The following CTNNA2 variants were observed in gnomAD, a reference collection of about 807,000 sequenced individuals.
CTNNA2 encodes the protein catenin alpha-2.
CTNNA2 carries 42 observed loss-of-function variants against 101.0 expected under a neutral mutation model. That is an observed-to-expected ratio of 0.42 (90% CI 0.32 to 0.54). The LOEUF (loss-of-function observed/expected upper bound fraction) is 0.54, where lower values mean the gene tolerates loss of function less well. Among genes scored for constraint, CTNNA2 ranks in the 20% least tolerant of loss-of-function variants. CTNNA2 has a pLI of 0.14. For synonymous variants in CTNNA2, 450 were observed against 456.4 expected, an observed-to-expected ratio of 0.99 and a Z score of 0.18; for missense variants, 871 against 1,223.1, an observed-to-expected ratio of 0.71 and a Z score of 4.29.
chr2:80,296,038 T>C (rs1371053068), intron 7 of CTNNA2, among the ~76,000 whole-genome samples: 1 of 152,204 alleles, frequency 6.6e-6, no homozygotes, highest in Non-Finnish European at 1.5e-5. Flanking sequence ...TTGATTTTTT[T>C]CTAGCTTATT....
At chr2:79,847,816 T>A (rs1680359527) in intron 3 of CTNNA2, among the ~76,000 whole-genome samples, 1 of 152,206 alleles carries the variant, frequency 6.6e-6, no homozygotes, top group Non-Finnish European at 1.5e-5. Context: ...TTCTGAATGC[T>A]GCCGTCTCTT....
chr2:80,222,140 A>G (rs944562988), intron 7 of CTNNA2, among the ~76,000 whole-genome samples: 2 of 152,170 alleles, frequency 1.3e-5, no homozygotes, highest in African/African-American at 2.4e-5. Context: ...GATAGGAGTC[A>G]GGATGAAAAG....
At chr2:79,343,562 T>C (rs1677186640) in intron 3 of CTNNA2, among the ~76,000 whole-genome samples, 1 of 152,134 alleles carries the variant, frequency 6.6e-6, no homozygotes, top group Admixed American at 6.5e-5. Context: ...GAAGTCTTGG[T>C]AGGACTATTG....
chr2:80,423,624 C>T (rs557738338), intron 9 of CTNNA2, among the ~76,000 whole-genome samples: 7 of 152,198 alleles, frequency 4.6e-5, no homozygotes, highest in African/African-American at 1.4e-4. Flanking sequence ...CCCAACACAT[C>T]CAAAATCCAC....
chr2:80,643,347 T>G (rs1279870629), intron 18 of CTNNA2, among the ~76,000 whole-genome samples: 1 of 152,160 alleles, frequency 6.6e-6, no homozygotes, highest in East Asian at 1.9e-4. Context: ...GCTATATGCT[T>G]CTAAGTCTCA....
chr2:79,909,565 T>G, intron 6 of CTNNA2, 29 bp from the exon 7 acceptor site: 1 of 1,539,218 alleles, frequency 6.5e-7, no homozygotes, highest in Non-Finnish European at 8.9e-7. Flanking sequence ...CTCTGCTGAT[T>G]TTTGTGTGTG....
intron 6 of CTNNA2, among the ~76,000 whole-genome samples, chr2:79,890,749 A>G (rs1684241160): frequency 6.7e-6 from 1 of 149,644 alleles, no homozygotes; most frequent in Non-Finnish European, 1.5e-5. Context: ...GTAACAGAAT[A>G]CCTTAGACTG....
Position 80,589,419 on chromosome 2 carries a change from G to A in CTNNA2, c.2123G>A (p.Gly708Asp). 1.9e-6 allele frequency: 3 copies of A among 1,614,106 alleles called. No individual in the cohort carries two copies. Among genetic ancestry groups the A allele is most frequent in the Non-Finnish European group, 2.5e-6 (3 of 1,179,982 alleles). Residue 708 changes from glycine (G) to aspartate (D), a missense_variant, in exon 15 of 19, where the codon GGC becomes GAC. Physicochemically the swap from Gly to Asp is moderately conservative, Grantham distance 94. This residue lies in a region of CTNNA2 where 93 missense variants were observed against 223.7 expected (regional missense o/e 0.42). Coordinates refer to ENST00000402739, the MANE Select transcript of CTNNA2 (RefSeq NM_001282597.3). ...GAAGTGGCCAAATGGGACGACAGCG[G>A]CAATGATATCATTGTACTGGCCAAG... Reference protein sequence around the residue: ...DAEVAKWDDSGNDIIVLAKQM... With the variant: ...DAEVAKWDDSDNDIIVLAKQM...
chr2:79,888,189 A>G (rs1684035000), intron 6 of CTNNA2, among the ~76,000 whole-genome samples: 1 of 152,166 alleles, frequency 6.6e-6, no homozygotes, highest in Admixed American at 6.5e-5. Flanking sequence ...GATGCAATAC[A>G]TGTGAGCTTA....
At chr2:79,463,480 C>T (rs987317358) in intron 4 of CTNNA2, among the ~76,000 whole-genome samples, 2 of 151,486 alleles carry the variant, frequency 1.3e-5, no homozygotes, top group Non-Finnish European at 2.9e-5. Context: ...GGTGAGTTGA[C>T]ATATATTGTG....
rs997814097 is a variant in CTNNA2, at chr2:79,411,755, T to G, written c.-135+37742T>G. On this transcript the variant is annotated intron_variant, in intron 4 of 21. Coordinates refer to the CTNNA2 transcript ENST00000466387. ...GAGCTCCTGAAGGAAACACTAAACA[T>G]GGAAAGGAACAACCAGTTCCAGCTG... 3.9e-5 allele frequency among the ~76,000 whole-genome samples: 6 copies of G among 152,020 alleles called. No homozygotes were observed. In the South Asian group the frequency reaches 1.2e-3, roughly 31 times the overall value.
chr2:80,340,246 G>C (rs775435427), intron 7 of CTNNA2, among the ~76,000 whole-genome samples: 1 of 152,124 alleles, frequency 6.6e-6, no homozygotes, highest in Non-Finnish European at 1.5e-5. Context: ...TGCAAGCCTG[G>C]TTCTACAATG....
At chr2:79,427,633 T>A (rs11126729) in intron 4 of CTNNA2, among the ~76,000 whole-genome samples, 53,827 of 140,422 alleles carry the variant, frequency 0.38, 10,542 homozygotes, top group African/African-American at 0.55. Flanking sequence ...AAAAAAAAAA[T>A]AATAACTGTA....
chr2:80,315,963 C>A (rs1423788658), intron 7 of CTNNA2, among the ~76,000 whole-genome samples: 1 of 152,150 alleles, frequency 6.6e-6, no homozygotes. Context: ...TGTAACAAAT[C>A]GGAATCTACA....
At chr2:80,424,297 C>T (rs1680803239) in intron 9 of CTNNA2, among the ~76,000 whole-genome samples, 2 of 152,130 alleles carry the variant, frequency 1.3e-5, no homozygotes, top group African/African-American at 4.8e-5. Context: ...TTACAGTTCA[C>T]CCTTATTGTC....
intron 17 of CTNNA2, among the ~76,000 whole-genome samples, chr2:80,615,281 C>T (rs1456559961): frequency 1.3e-5 from 2 of 151,386 alleles, no homozygotes. Context: ...CATCAGTTTC[C>T]ATAAGTCGTT....
chr2:80,059,061 A>G (rs976439673), intron 7 of CTNNA2, among the ~76,000 whole-genome samples: 1 of 152,152 alleles, frequency 6.6e-6, no homozygotes, highest in African/African-American at 2.4e-5. Flanking sequence ...TTAATAACAC[A>G]TTTTAAAAAT....
chr2:80,568,033 C>A (rs1424598350), intron 12 of CTNNA2, among the ~76,000 whole-genome samples: 1 of 152,088 alleles, frequency 6.6e-6, no homozygotes, highest in African/African-American at 2.4e-5. Context: ...TTGGGTGACC[C>A]CTGTGCATGC....
intron 14 of CTNNA2, among the ~76,000 whole-genome samples, chr2:80,583,108 C>T (rs539968857): frequency 6.6e-6 from 1 of 152,142 alleles, no homozygotes; most frequent in Non-Finnish European, 1.5e-5. Context: ...ATGCTCAAAG[C>T]TACATGTTGC....
Sources: gnomAD v4.1 joint callset for allele counts (sites outside exome capture counted in the v4.1 genomes callset) on GRCh38, gnomAD v4.1.1 for gene constraint, gnomAD v4.1.1 regional missense constraint, MANE v1.5 for transcripts, NCBI Gene and HGNC (gene_info 2026-07-23, HGNC 2026-07-21) for gene names.